TMEM247: variants seen among roughly 807,000 people sequenced by gnomAD.
TMEM247 encodes transmembrane protein 247, also known as transmembrane protein ENSP00000343375.
A neutral mutation model predicts 20.7 loss-of-function variants in TMEM247; 23 were observed. The observed-to-expected ratio is 1.11, with a 90% CI of 0.80 to 1.57. The LOEUF is 1.57. TMEM247 is among the 40% of genes most tolerant of loss of function. The pLI is 0.00. For missense variants in TMEM247, 354 were observed against 283.8 expected, an observed-to-expected ratio of 1.25 and a Z score of -1.78; for synonymous variants, 106 against 111.9, an observed-to-expected ratio of 0.95 and a Z score of 0.33.
At chr2:46,483,276 T>C (rs532869143) in intron 2 of TMEM247, among the ~76,000 whole-genome samples, 1 of 152,322 alleles carries the variant, frequency 6.6e-6, no homozygotes, top group East Asian at 1.9e-4. Context: ...GTTATATAGA[T>C]TCAAGAAAAG....
chr2:46,480,640 T>C (rs770888776), exon 2 of TMEM247: 3 of 1,305,326 alleles, frequency 2.3e-6, no homozygotes, highest in African/African-American at 1.8e-5. Context: ...CTCACGCGGC[T>C]CAAGTACCTG....
At chr2:46,481,490 C>G (rs757607135) in intron 2 of TMEM247, among the ~76,000 whole-genome samples, 1 of 152,110 alleles carries the variant, frequency 6.6e-6, no homozygotes, top group Non-Finnish European at 1.5e-5. Context: ...TCAGAAAGTC[C>G]TGGATTAAAA....
chr2:46,481,317 T>C (rs180769313), intron 2 of TMEM247, among the ~76,000 whole-genome samples: 17 of 152,342 alleles, frequency 1.1e-4, no homozygotes, highest in African/African-American at 3.8e-4. Context: ...AGCCATCTTT[T>C]CACAAGAAGT....
At chr2:46,482,658 C>G (rs1686912191) in intron 2 of TMEM247, among the ~76,000 whole-genome samples, 1 of 152,198 alleles carries the variant, frequency 6.6e-6, no homozygotes, top group Non-Finnish European at 1.5e-5. Flanking sequence ...GCATTTCAGA[C>G]TGAAACACGT....
chr2:46,482,424 A>C (rs1272676818), intron 2 of TMEM247, among the ~76,000 whole-genome samples: 1 of 152,246 alleles, frequency 6.6e-6, no homozygotes, highest in Non-Finnish European at 1.5e-5. Context: ...ATGATATTGT[A>C]ACTATGCCTT....
chr2:46,480,736 A>T, exon 2 of TMEM247: 1 of 1,550,858 alleles, frequency 6.4e-7, no homozygotes, highest in Non-Finnish European at 8.7e-7. Context: ...GTGATGGAGC[A>T]GCTGCAGCAA....
chr2:46,480,519 G>A, exon 2 of TMEM247: 1 of 1,551,724 alleles, frequency 6.4e-7, no homozygotes, highest in Non-Finnish European at 8.7e-7. Flanking sequence ...GTCCTGCCGT[G>A]CTACCAAAGG....
rs1285584866 is a variant in TMEM247, at chr2:46,479,729, C to T, written c.117+27C>T. The T allele has an allele frequency of 3.4e-6, 5 of 1,474,142 alleles. No homozygotes were observed. In the African/African-American group the frequency reaches 5.6e-5, roughly 16 times the overall value. 91.3% of individuals were successfully genotyped at this position (1,474,142 alleles called of 1,614,324 possible). On this transcript the variant is annotated intron_variant, in intron 1 of 2. Coordinates refer to ENST00000434431, the Ensembl canonical transcript of TMEM247. Reference sequence around the variant, plus strand: ...TAAGGGGGCTGCTGTGTCTCACCACCCCCGCCTATTCCGTCAGGGGGAGCA... The same window carrying T: ...TAAGGGGGCTGCTGTGTCTCACCACTCCCGCCTATTCCGTCAGGGGGAGCA...
intron 1 of TMEM247, 142 bp downstream of exon 1, chr2:46,479,844 C>T: frequency 1.6e-6 from 1 of 644,206 alleles, no homozygotes; most frequent in South Asian, 1.9e-5. Flanking sequence ...CTGGCACCAG[C>T]TGTCACCAGG....
chr2:46,479,978 C>T (rs143638471), intron 1 of TMEM247, among the ~76,000 whole-genome samples: 10 of 152,242 alleles, frequency 6.6e-5, no homozygotes, highest in African/African-American at 2.2e-4. Flanking sequence ...CACCATAGCC[C>T]TCTTCCTGGT....
intron 2 of TMEM247, among the ~76,000 whole-genome samples, chr2:46,481,742 T>A (rs1481404095): frequency 6.6e-6 from 1 of 152,250 alleles, no homozygotes. Flanking sequence ...CATACATTTA[T>A]CACTTTTCAG....
chr2:46,484,121 C>A, intron 2 of TMEM247, 123 bp from the exon 3 acceptor site: 1 of 889,216 alleles, frequency 1.1e-6, no homozygotes, highest in South Asian at 1.9e-5. Context: ...CACTATTACC[C>A]TTTCTTTAGG....
rs185149870 is a variant in TMEM247, at chr2:46,480,954, G to A, written c.477+190G>A. 3.3e-5 allele frequency among the ~76,000 whole-genome samples: 5 copies of A among 152,270 alleles called. No individual in the cohort carries two copies. The East Asian group carries it at 9.7e-4, about 29-fold the overall frequency. ...CTCTCCGCCTTGGCTCACTTCCAGA[G>A]ATGTCTGCTCACTGCCTTAAAGCTC... On this transcript the variant is annotated intron_variant, in intron 2 of 2. Coordinates refer to ENST00000434431, the Ensembl canonical transcript of TMEM247.
In TMEM247 at chr2:46,480,669, C is replaced by T; in HGVS notation, c.382C>T (p.Gln128Ter). Residue 128 changes from glutamine to a stop codon, truncating the protein, a stop_gained, in exon 2 of 3, where the codon CAG becomes TAG. Coordinates refer to ENST00000434431, the Ensembl canonical transcript of TMEM247. LOFTEE classifies it high-confidence loss of function. ...GTACCTGCATGAGAAGAACCAGCGG[C>T]AGCGGCAGCACGAGGTGGTGATGGA... 1 of 1,152,786 alleles carries T rather than the reference C, an allele frequency of 8.7e-7. No individual in the cohort carries two copies. Among genetic ancestry groups the T allele is most frequent in the Non-Finnish European group, 1.2e-6 (1 of 827,552 alleles). 71.4% of individuals were successfully genotyped at this position (1,152,786 alleles called of 1,614,324 possible).
At chr2:46,480,352 AG>A in intron 1 of TMEM247, 52 bp from the exon 2 acceptor site, 4 of 1,474,288 alleles carry the variant, frequency 2.7e-6, no homozygotes, top group Non-Finnish European at 3.6e-6. Flanking sequence ...GGTCAGGGGC[AG>A]CCCCATCCTG....
At chr2:46,479,595 G>A (rs1267389947) in exon 1 of TMEM247, 1 of 1,551,700 alleles carries the variant, frequency 6.4e-7, no homozygotes, top group East Asian at 2.4e-5. Flanking sequence ...GATGGCAGCA[G>A]AGGACAGGGA....
chr2:46,483,266 G>A (rs7562332), intron 2 of TMEM247, among the ~76,000 whole-genome samples: 75,768 of 151,982 alleles, frequency 0.5, 19,132 homozygotes, highest in East Asian at 0.62. Flanking sequence ...TTGGGCCCCA[G>A]TTATATAGAT....
chr2:46,484,326 T>C (rs772948226), exon 3 of TMEM247: 13 of 1,552,228 alleles, frequency 8.4e-6, no homozygotes, highest in African/African-American at 1.4e-5. Context: ...ATTCACATCA[T>C]CTATGTCACC....
chr2:46,484,424 T>C, exon 3 of TMEM247: 1 of 1,550,200 alleles, frequency 6.5e-7, no homozygotes, highest in Non-Finnish European at 8.7e-7. Context: ...TTTCTGGTCA[T>C]ACTTCCAAGT....
Sources: allele counts gnomAD v4.1 joint callset (sites outside exome capture counted in the v4.1 genomes callset), GRCh38; gene constraint gnomAD v4.1.1; transcripts MANE v1.5; gene names NCBI Gene and HGNC (gene_info 2026-07-23, HGNC 2026-07-21).